The following EIF2AK1 variants were observed in gnomAD, a reference collection of about 807,000 sequenced individuals.
EIF2AK1 encodes eukaryotic translation initiation factor 2-alpha kinase 1.
Under a neutral mutation model 77.9 loss-of-function variants are expected in EIF2AK1, and 54 were observed. The observed-to-expected ratio is 0.69, with a 90% CI of 0.56 to 0.87. The LOEUF is 0.87. EIF2AK1 is among the 40% of genes least tolerant of loss of function. The probability of loss-of-function intolerance (pLI) is 0.00; values close to 1 mark genes in which losing one functional copy is unlikely to be tolerated. For synonymous variants in EIF2AK1, 314 were observed against 290.5 expected (o/e 1.08, Z -0.82); for missense variants, 810 against 768.6 (o/e 1.05, Z -0.64).
chr7:6,036,101 T>G lies in EIF2AK1; in HGVS notation c.1332+1323A>C. The G allele has an allele frequency of 6.4e-7, 1 of 1,550,928 alleles. No homozygotes were observed. The highest frequency in any genetic ancestry group is 1.2e-5 in the South Asian group (1 of 84,058). ...ATATGTACCTTCAGCGCAGTTGCAA[T>G]GTAAGAGATACGGCACTTCTGGCCA... On this transcript the variant is annotated intron_variant, in intron 11 of 14. Coordinates refer to ENST00000199389, the MANE Select transcript of EIF2AK1 (RefSeq NM_014413.4). This position sits in a 1 kb window ranked among gnomAD's most constrained non-coding sequence, Gnocchi z 4.6.
chr7:6,054,589 G>A lies in EIF2AK1; in HGVS notation c.234C>T (p.His78=), dbSNP rs140066459. 37 of 1,613,996 alleles carry A rather than the reference G, an allele frequency of 2.3e-5. No homozygotes were observed. Among genetic ancestry groups the A allele is most frequent in the Middle Eastern group, 1.6e-4 (1 of 6,084 alleles). ...LLVSLLEHLS[H]VHEPNPLRSR... ...AACGAAGTGGGTTTGGTTCATGCAC[G>A]TGGCTCAAGTGCTCCAGCAAAGAAA... The change falls in exon 2 of 15, where the codon CAC becomes CAT. Residue 78 remains histidine, a synonymous_variant. Transcript: ENST00000199389.
At chr7:6,058,200 A>G (rs1423094214) in intron 1 of EIF2AK1, 1 of 455,174 alleles carries the variant, frequency 2.2e-6, no homozygotes, top group East Asian at 7.0e-5. Flanking sequence ...GCTTGAGGCC[A>G]GGCGTTCGAG....
At chr7:6,054,169 A>G (rs904998024) in intron 2 of EIF2AK1, among the ~76,000 whole-genome samples, 3 of 151,734 alleles carry the variant, frequency 2.0e-5, no homozygotes, top group African/African-American at 7.3e-5. Context: ...TTTACCTCCC[A>G]TGAATAAGTG....
At chr7:6,052,952 G>A (rs113752041) in intron 2 of EIF2AK1, among the ~76,000 whole-genome samples, 3,978 of 151,410 alleles carry the variant, frequency 0.026, 190 homozygotes, top group African/African-American at 0.092. Context: ...AACAGAGTGA[G>A]ACTCCATCTC....
At position 6,038,586 on chromosome 7, in the gene EIF2AK1, C is replaced by A. The variant is rs771057283; in HGVS notation, c.1205G>T (p.Gly402Val). The change falls in exon 10 of 15, where the codon GGC becomes GTC. Residue 402 changes from glycine (G) to valine (V), a missense_variant. Coordinates refer to ENST00000199389, the MANE Select transcript of EIF2AK1 (RefSeq NM_014413.4). The stretch of plus-strand genomic sequence containing the variant: ...GGCAGACTCGTCCACATACTCCCGG[C>A]CCCGCTTGTTTCTCTCGACTATCCA... Reference protein sequence around the residue: ...WDWIVERNKRGREYVDESACP... With the variant: ...WDWIVERNKRVREYVDESACP... 2 of 1,612,870 alleles carry A rather than the reference C, an allele frequency of 1.2e-6. No homozygotes were observed. Among genetic ancestry groups the A allele is most frequent in the East Asian group, 2.2e-5 (1 of 44,780 alleles).
chr7:6,028,188 C>A (rs1350632432), intron 13 of EIF2AK1: 3 of 316,242 alleles, frequency 9.5e-6, no homozygotes, highest in African/African-American at 6.6e-5. Context: ...AGTTAATTAT[C>A]TACAGTACTC....
In EIF2AK1 at chr7:6,032,567, A is replaced by G. The variant is rs1397049400; in HGVS notation, c.1333-3535T>C. Among the ~76,000 whole-genome samples, 1 of 152,226 alleles carries G rather than the reference A, an allele frequency of 6.6e-6. No homozygotes were observed. The highest frequency in any genetic ancestry group is 1.5e-5 in the Non-Finnish European group (1 of 68,052). On this transcript the variant is annotated intron_variant, in intron 11 of 14. Coordinates refer to ENST00000199389, the MANE Select transcript of EIF2AK1 (RefSeq NM_014413.4). This position sits in a 1 kb window ranked among gnomAD's most constrained non-coding sequence, Gnocchi z 4.3. ...CACCACAGGCTCTTCTGAAGAATCA[A>G]CTTTCAAAAATTTCCAAAGCTTTTG...
chr7:6,054,523 A>C (rs969636623), intron 2 of EIF2AK1, 23 bp downstream of exon 2: 20 of 1,611,966 alleles, frequency 1.2e-5, no homozygotes, highest in Non-Finnish European at 1.6e-5. Flanking sequence ...TTTATTTAGC[A>C]AGATTCATTT....
chr7:6,032,718 GA>G lies in EIF2AK1; in HGVS notation c.1333-3687del. The G allele has an allele frequency of 4.1e-6, 3 of 737,276 alleles. No homozygotes were observed. The highest frequency in any genetic ancestry group is 2.9e-5 in the East Asian group (1 of 34,184). The allele number at this position is 737,276 out of a possible 1,614,324, so 45.7% of individuals were successfully genotyped here. A position where few individuals can be genotyped will look rare whatever the true frequency, so the allele number is the denominator to read the frequency against. ...AAGGAAACTTTCAATGCACATACCAGAAAAAGAGTGAGCCAATGAGACACTA... is the reference window on the plus strand; with the variant it reads ...AAGGAAACTTTCAATGCACATACCAGAAAAGAGTGAGCCAATGAGACACTA... On this transcript the variant is annotated intron_variant, in intron 11 of 14. Coordinates refer to ENST00000199389, the MANE Select transcript of EIF2AK1 (RefSeq NM_014413.4). The surrounding 1 kb of genome is among the most constrained non-coding windows in gnomAD (Gnocchi z 4.3).
At position 6,035,627 on chromosome 7, in the gene EIF2AK1, C is replaced by G. The variant is rs2128887598; in HGVS notation, c.1332+1797G>C. 1 of 1,550,780 alleles carries G rather than the reference C, an allele frequency of 6.4e-7. No homozygotes were observed. The highest frequency in any genetic ancestry group is 1.4e-5 in the African/African-American group (1 of 73,146). On this transcript the variant is annotated intron_variant, in intron 11 of 14. Coordinates refer to ENST00000199389, the MANE Select transcript of EIF2AK1 (RefSeq NM_014413.4). This position sits in a 1 kb window ranked among gnomAD's most constrained non-coding sequence, Gnocchi z 5.5. Reference sequence around the variant, plus strand: ...AAGTGAACACTCAAGGGGAAATCAGCAACAAACGTTCACCACTCCACCTGG... The same window carrying G: ...AAGTGAACACTCAAGGGGAAATCAGGAACAAACGTTCACCACTCCACCTGG...
At chr7:6,039,407 G>C (rs879529662) in intron 9 of EIF2AK1, among the ~76,000 whole-genome samples, 3 of 151,354 alleles carry the variant, frequency 2.0e-5, no homozygotes, top group Non-Finnish European at 4.4e-5. Context: ...GGATCACGAG[G>C]TCAGGAGTTC....
rs1787541172 is a variant in EIF2AK1, at chr7:6,022,956, A to T, written c.*1717T>A. 1 of 239,930 alleles carries T rather than the reference A, an allele frequency of 4.2e-6. No homozygotes were observed. The highest frequency in any genetic ancestry group is 1.5e-3 in the Middle Eastern group (1 of 664). The allele number at this position is 239,930 out of a possible 1,614,324, so 14.9% of individuals were successfully genotyped here. A position where few individuals can be genotyped will look rare whatever the true frequency, so the allele number is the denominator to read the frequency against. On this transcript the variant is annotated 3_prime_UTR_variant, in exon 15 of 15. Transcript: ENST00000199389. ...CTCAGTCTCACAGAAGGCGATTATG[A>T]GGCCAAGAGCCTGGGAGATGCAGCT...
intron 9 of EIF2AK1, 36 bp downstream of exon 9, chr7:6,040,856 C>G: frequency 6.4e-7 from 1 of 1,567,932 alleles, no homozygotes; most frequent in Non-Finnish European, 8.8e-7. Flanking sequence ...GTCACCAATA[C>G]TGGCCAAATT....
chr7:6,044,195 T>G (rs927751145), intron 7 of EIF2AK1, among the ~76,000 whole-genome samples: 1 of 151,408 alleles, frequency 6.6e-6, no homozygotes, highest in African/African-American at 2.4e-5. Context: ...CCAGGCGCGG[T>G]GGCTCATGCC....
chr7:6,040,430 G>A (rs1013058224), intron 9 of EIF2AK1, among the ~76,000 whole-genome samples: 3 of 152,072 alleles, frequency 2.0e-5, no homozygotes, highest in Admixed American at 6.6e-5. Context: ...AAGGAGGGTT[G>A]TATCAGTATG....
At chr7:6,030,100 G>C (rs1355955274) in intron 11 of EIF2AK1, among the ~76,000 whole-genome samples, 1 of 152,204 alleles carries the variant, frequency 6.6e-6, no homozygotes, top group African/African-American at 2.4e-5. Context: ...CCGGCAGCCA[G>C]CCTGCAAATG....
chr7:6,023,593 G>A lies in EIF2AK1; in HGVS notation c.*1080C>T, dbSNP rs745445513. The A allele has an allele frequency of 4.9e-5, 79 of 1,614,070 alleles. No homozygotes were observed. The highest frequency in any genetic ancestry group is 3.6e-4 in the South Asian group (33 of 91,088). The stretch of plus-strand genomic sequence containing the variant: ...GCTGTGGTCTGTACTCCAGCAGATC[G>A]GAGGCTGCAGTGTGACAGTGCCAGC... On this transcript the variant is annotated 3_prime_UTR_variant, in exon 15 of 15. Transcript: ENST00000199389.
intron 7 of EIF2AK1, among the ~76,000 whole-genome samples, chr7:6,043,632 T>A (rs982821103): frequency 6.6e-6 from 1 of 151,396 alleles, no homozygotes; most frequent in African/African-American, 2.4e-5. Flanking sequence ...TTTCACCATA[T>A]TGGCCAGGCT....
chr7:6,036,434 C>T lies in EIF2AK1; in HGVS notation c.1332+990G>A. On this transcript the variant is annotated intron_variant, in intron 11 of 14. Coordinates refer to ENST00000199389, the MANE Select transcript of EIF2AK1 (RefSeq NM_014413.4). This position sits in a 1 kb window ranked among gnomAD's most constrained non-coding sequence, Gnocchi z 4.6. ...GCAGAGGGACTTTCAGCCACTCAAA[C>T]TGCATTTTCTGGCTAGACATGTCCC... The T allele has an allele frequency of 7.4e-7, 1 of 1,351,428 alleles. No individual in the cohort carries two copies. Among genetic ancestry groups the T allele is most frequent in the Non-Finnish European group, 9.7e-7 (1 of 1,026,722 alleles). 83.7% of individuals were successfully genotyped at this position (1,351,428 alleles called of 1,614,324 possible).
Sources: gnomAD v4.1 joint callset for allele counts (sites outside exome capture counted in the v4.1 genomes callset) on GRCh38, gnomAD v4.1.1 for gene constraint, Gnocchi (gnomAD v3.1) non-coding constraint, MANE v1.5 for transcripts, NCBI Gene and HGNC (gene_info 2026-07-23, HGNC 2026-07-21) for gene names.